Variants in KCNJ8 observed in about 807,000 individuals in gnomAD.
KCNJ8 encodes potassium inwardly rectifying channel subfamily J member 8, also known as ATP-sensitive inward rectifier potassium channel 8.
Under a neutral mutation model 28.2 loss-of-function variants are expected in KCNJ8, and 13 were observed. The ratio of observed to expected loss-of-function variants is 0.46; its 90% confidence interval spans 0.30 to 0.73. The LOEUF (loss-of-function observed/expected upper bound fraction) is 0.73. Among genes scored for constraint, KCNJ8 ranks in the 30% least tolerant of loss-of-function variants. The pLI, the probability that KCNJ8 is intolerant of heterozygous loss-of-function variation, is 0.07. For missense variants in KCNJ8, 284 were observed against 542.6 expected (o/e 0.52, Z 4.73); for synonymous variants, 188 against 195.9 (o/e 0.96, Z 0.34).
rs1317017551 is a variant in KCNJ8, at chr12:21,768,953, A to G, written c.375-2330T>C. On this transcript the variant is annotated intron_variant, in intron 2 of 2. Transcript: ENST00000240662. The stretch of plus-strand genomic sequence containing the variant: ...CAGAAAAGTGCTAGGTGAAGCACCA[A>G]GTACTGATGGAGGAGCTGCAGCAAG... Among the ~76,000 whole-genome samples, 4 of 152,262 alleles carry G rather than the reference A, an allele frequency of 2.6e-5. 1 individual carries two copies. The highest frequency in any genetic ancestry group is 1.3e-4 in the Admixed American group (2 of 15,290).
Position 21,774,596 on chromosome 12 carries a change from G to T in KCNJ8, c.-121C>A, listed in dbSNP as rs1940850028. On this transcript the variant is annotated 5_prime_UTR_variant, in exon 1 of 3. Coordinates refer to ENST00000240662, the MANE Select transcript of KCNJ8 (RefSeq NM_004982.4). ...CTGGACCTCCTTGCACACGCCGGCG[G>T]GCCGCGGGCAGGTCCCTCGCTCTCC... 6.6e-6 allele frequency: 1 copy of T among 152,230 alleles called. No individual in the cohort carries two copies. The highest frequency in any genetic ancestry group is 2.4e-5 in the African/African-American group (1 of 41,464). The allele number at this position is 152,230 out of a possible 1,614,324, so 9.4% of individuals were successfully genotyped here. A position where few individuals can be genotyped will look rare whatever the true frequency, so the allele number is the denominator to read the frequency against.
intron 2 of KCNJ8, among the ~76,000 whole-genome samples, chr12:21,770,910 A>G (rs935383632): frequency 4.6e-5 from 7 of 152,222 alleles, no homozygotes; most frequent in South Asian, 4.1e-4. Flanking sequence ...AAATGTTTAA[A>G]CATTTGAGTA....
intron 2 of KCNJ8, among the ~76,000 whole-genome samples, chr12:21,769,042 T>A (rs1329862035): frequency 6.6e-6 from 1 of 152,168 alleles, no homozygotes; most frequent in Non-Finnish European, 1.5e-5. Context: ...AGATTTTCAG[T>A]GTTGAAAATG....
chr12:21,767,310 C>A (rs1181887801), intron 2 of KCNJ8, among the ~76,000 whole-genome samples: 7 of 61,908 alleles, frequency 1.1e-4, no homozygotes, highest in Admixed American at 2.0e-4. Flanking sequence ...GGTCCCCAAC[C>A]CCCCCCCCCC....
rs777705394 is a variant in KCNJ8, at chr12:21,765,951, A to C, written c.1047T>G (p.Ala349=). The change falls in exon 3 of 3, where the codon GCT becomes GCG. Residue 349 remains alanine (A), a synonymous_variant. Transcript: ENST00000240662. ...GCTCTCGGGCACTGCACCGTGGAGC[A>C]GCTACTTTAACAGTGTTGCCAAATT... ...YSKFGNTVKV[A]APRCSARELD... is the part of the protein sequence containing the mutation. 2 of 1,614,124 alleles carry C rather than the reference A, an allele frequency of 1.2e-6. No individual in the cohort carries two copies. Among genetic ancestry groups the C allele is most frequent in the African/African-American group, 2.7e-5 (2 of 74,944 alleles).
Position 21,765,845 on chromosome 12 carries a change from A to T in KCNJ8, c.1153T>A (p.Ser385Thr). 1 of 1,614,092 alleles carries T rather than the reference A, an allele frequency of 6.2e-7. No homozygotes were observed. Among genetic ancestry groups the T allele is most frequent in the Non-Finnish European group, 8.5e-7 (1 of 1,179,980 alleles). ...CTCATGGAATTGTTTCTTCTCATGG[A>T]GTTGCGCTTCCTCAGAGAATTTTGA... ...SHQNSLRKRN[S>T]MRRNNSMRRN... Residue 385 changes from serine to threonine, a missense_variant, in exon 3 of 3, where the codon TCC becomes ACC. By Grantham distance (58) the Ser-to-Thr change is moderately conservative. This residue lies in a region of KCNJ8 where 50 missense variants were observed against 55.9 expected (regional missense o/e 0.90). Transcript: ENST00000240662.
intron 2 of KCNJ8, among the ~76,000 whole-genome samples, chr12:21,768,414 C>T (rs1940684330): frequency 6.6e-6 from 1 of 152,222 alleles, no homozygotes; most frequent in Admixed American, 6.5e-5. Flanking sequence ...CAGCTGTTCC[C>T]TTGTTTCTTC....
At chr12:21,767,567 A>G (rs1297603711) in intron 2 of KCNJ8, among the ~76,000 whole-genome samples, 2 of 151,738 alleles carry the variant, frequency 1.3e-5, no homozygotes, top group Non-Finnish European at 2.9e-5. Context: ...TTATCCCCAC[A>G]CCATCCCCAT....
rs1265523496 is a variant in KCNJ8, at chr12:21,766,781, G to C, written c.375-158C>G. The stretch of plus-strand genomic sequence containing the variant: ...TGTAAAATGCCTAATTCTAAACTGT[G>C]TTTAGAACAGTCTCTCTCTCTCTTG... On this transcript the variant is annotated intron_variant, in intron 2 of 2. Transcript: ENST00000240662. The surrounding 1 kb of genome is among the most constrained non-coding windows in gnomAD (Gnocchi z 6.5). 1.5e-6 allele frequency: 1 copy of C among 672,686 alleles called. No individual in the cohort carries two copies. The highest frequency in any genetic ancestry group is 2.7e-5 in the East Asian group (1 of 36,832). The allele number at this position is 672,686 out of a possible 1,614,324, so 41.7% of individuals were successfully genotyped here. A position where few individuals can be genotyped will look rare whatever the true frequency, so the allele number is the denominator to read the frequency against.
intron 2 of KCNJ8, among the ~76,000 whole-genome samples, chr12:21,772,403 C>A (rs1940783628): frequency 6.6e-6 from 1 of 152,116 alleles, no homozygotes. Context: ...AAAGAAATCA[C>A]CTCAACTAAA....
rs1940599859 is a variant in KCNJ8 at position 21,765,634 on chromosome 12, T to C, written c.*89A>G. 7.5e-6 allele frequency: 8 copies of C among 1,072,484 alleles called. No homozygotes were observed. Among genetic ancestry groups the C allele is most frequent in the Non-Finnish European group, 1.2e-5 (8 of 687,404 alleles). The allele number at this position is 1,072,484 out of a possible 1,614,324, so 66.4% of individuals were successfully genotyped here. A position where few individuals can be genotyped will look rare whatever the true frequency, so the allele number is the denominator to read the frequency against. On this transcript the variant is annotated 3_prime_UTR_variant, in exon 3 of 3. Transcript: ENST00000240662. The stretch of plus-strand genomic sequence containing the variant: ...GTGTAATAAAATGTAGAAGGACACA[T>C]TATTGTGTTCCAGCTCTGGTTCAGT...
At chr12:21,774,426 G>C (rs946293488) in intron 1 of KCNJ8, 120 bp downstream of exon 1, 1 of 151,754 alleles carries the variant, frequency 6.6e-6, no homozygotes, top group Non-Finnish European at 1.5e-5. Context: ...GCAGTAGGGA[G>C]TGTGCCCCGA....
At chr12:21,767,920 T>C (rs1220244177) in intron 2 of KCNJ8, among the ~76,000 whole-genome samples, 1 of 152,202 alleles carries the variant, frequency 6.6e-6, no homozygotes, top group African/African-American at 2.4e-5. Context: ...AACTTTTTCA[T>C]TATTATTACA....
At position 21,773,820 on chromosome 12, in the gene KCNJ8, A is replaced by G. The variant is rs1422786512; in HGVS notation, c.-70-134T>C. On this transcript the variant is annotated intron_variant, in intron 1 of 2. Transcript: ENST00000240662. This position sits in a 1 kb window ranked among gnomAD's most constrained non-coding sequence, Gnocchi z 4.6. The stretch of plus-strand genomic sequence containing the variant: ...CCAAAAATGTGATTTTTACTAACCC[A>G]AACATGAATCTAGCTTGTGCTTGAG... 1 of 633,870 alleles carries G rather than the reference A, an allele frequency of 1.6e-6. No homozygotes were observed. The highest frequency in any genetic ancestry group is 2.7e-6 in the Non-Finnish European group (1 of 366,430). 39.3% of individuals were successfully genotyped at this position (633,870 alleles called of 1,614,324 possible).
rs1411193723 is a variant in KCNJ8, at chr12:21,766,955, A to G, written c.375-332T>C. The stretch of plus-strand genomic sequence containing the variant: ...GTGTAAAAGATTAATATATTTTCAT[A>G]TATATGCATATTTTACCTTGCGAAA... On this transcript the variant is annotated intron_variant, in intron 2 of 2. Transcript: ENST00000240662. This position sits in a 1 kb window ranked among gnomAD's most constrained non-coding sequence, Gnocchi z 6.5. Among the ~76,000 whole-genome samples, 1 of 152,182 alleles carries G rather than the reference A, an allele frequency of 6.6e-6. No homozygotes were observed. The highest frequency in any genetic ancestry group is 2.4e-5 in the African/African-American group (1 of 41,454).
Position 21,773,779 on chromosome 12 carries a change from G to A in KCNJ8, c.-70-93C>T. 2.2e-6 allele frequency: 2 copies of A among 910,038 alleles called. No individual in the cohort carries two copies. Among genetic ancestry groups the A allele is most frequent in the Admixed American group, 4.7e-5 (2 of 42,254 alleles). 56.4% of individuals were successfully genotyped at this position (910,038 alleles called of 1,614,324 possible). A position where few individuals can be genotyped will look rare whatever the true frequency, so the allele number is the denominator to read the frequency against. On this transcript the variant is annotated intron_variant, in intron 1 of 2. Coordinates refer to ENST00000240662, the MANE Select transcript of KCNJ8 (RefSeq NM_004982.4). The surrounding 1 kb of genome is among the most constrained non-coding windows in gnomAD (Gnocchi z 4.6). The stretch of plus-strand genomic sequence containing the variant: ...TTCAAGGATATGTCTGTACATGTGC[G>A]AGGTGACATGCAAAACCAAAAATGT...
intron 2 of KCNJ8, among the ~76,000 whole-genome samples, chr12:21,767,315 C>T (rs577992305): frequency 1.2e-4 from 14 of 119,700 alleles, no homozygotes; most frequent in Non-Finnish European, 2.4e-4. Context: ...CCAACCCCCC[C>T]CCCCCCCACC....
In KCNJ8 at chr12:21,773,415, T is replaced by A; in HGVS notation, c.202A>T (p.Lys68Ter). The change falls in exon 2 of 3, where the codon AAA (lysine) becomes TAA (stop). Residue 68 changes from lysine (K) to a stop codon, truncating the protein, a stop_gained. Transcript: ENST00000240662. LOFTEE classifies it high-confidence loss of function. This position sits in a 1 kb window ranked among gnomAD's most constrained non-coding sequence, Gnocchi z 4.6. ...QDIFTTLVDL[K>*]WRHTLVIFTM... ...AAGATGACCAGCGTGTGGCGCCATT[T>A]CAGGTCCACCAAGGTGGTGAAGATG... is the stretch of plus-strand genomic sequence containing the variant. The A allele has an allele frequency of 6.2e-7, 1 of 1,614,268 alleles. No homozygotes were observed. The highest frequency in any genetic ancestry group is 8.5e-7 in the Non-Finnish European group (1 of 1,180,042).
chr12:21,765,428 A>G lies in KCNJ8; in HGVS notation c.*295T>C, dbSNP rs1269335405. On this transcript the variant is annotated 3_prime_UTR_variant, in exon 3 of 3. Coordinates refer to ENST00000240662, the MANE Select transcript of KCNJ8 (RefSeq NM_004982.4). The stretch of plus-strand genomic sequence containing the variant: ...AATTTTGTGCTCAAGGCCTGTTACT[A>G]TTAGTGTAATTCTTGTGTTTCAAAT... 1 of 443,482 alleles carries G rather than the reference A, an allele frequency of 2.3e-6. No homozygotes were observed. The highest frequency in any genetic ancestry group is 4.2e-6 in the Non-Finnish European group (1 of 239,838). The allele number at this position is 443,482 out of a possible 1,614,324, so 27.5% of individuals were successfully genotyped here.
Sources: allele counts gnomAD v4.1 joint callset (sites outside exome capture counted in the v4.1 genomes callset), GRCh38; gene constraint gnomAD v4.1.1; regional missense constraint gnomAD v4.1.1; non-coding constraint Gnocchi (gnomAD v3.1); transcripts MANE v1.5; gene names NCBI Gene and HGNC (gene_info 2026-07-23, HGNC 2026-07-21).